The following EVI5 variants were observed in gnomAD, a reference collection of about 807,000 sequenced individuals.
The protein encoded by EVI5 is ecotropic viral integration site 5 protein homolog.
EVI5 carries 73 observed loss-of-function variants against 112.0 expected under a neutral mutation model. That is an observed-to-expected ratio of 0.65 (90% CI 0.54 to 0.79). The LOEUF (loss-of-function observed/expected upper bound fraction) is 0.79. Among genes scored for constraint, EVI5 ranks in the 30% least tolerant of loss-of-function variants. The pLI, the probability that EVI5 is intolerant of heterozygous loss-of-function variation, is 0.00. For synonymous variants in EVI5, 305 were observed against 319.9 expected, an observed-to-expected ratio of 0.95 and a Z score of 0.50; for missense variants, 900 against 968.8, an observed-to-expected ratio of 0.93 and a Z score of 0.94.
intron 1 of EVI5, among the ~76,000 whole-genome samples, chr1:92,765,274 T>TG (rs1173767552): frequency 6.7e-6 from 1 of 149,654 alleles, no homozygotes; most frequent in Non-Finnish European, 1.5e-5. Context: ...AGGCTGGTCT[T>TG]GAACTCCTAG....
At chr1:92,592,205 T>G (rs1476291145) in intron 18 of EVI5, among the ~76,000 whole-genome samples, 1 of 151,938 alleles carries the variant, frequency 6.6e-6, no homozygotes, top group Non-Finnish European at 1.5e-5. Context: ...ACCTTGCCAC[T>G]GCACTCCGGC....
intron 2 of EVI5, among the ~76,000 whole-genome samples, chr1:92,713,735 C>T (rs1459407642): frequency 6.6e-6 from 1 of 152,146 alleles, no homozygotes; most frequent in Non-Finnish European, 1.5e-5. Context: ...CGAGATTGCA[C>T]CACTGCACTC....
intron 1 of EVI5, among the ~76,000 whole-genome samples, chr1:92,777,320 T>C (rs1034959659): frequency 1.3e-5 from 2 of 152,260 alleles, no homozygotes; most frequent in East Asian, 1.9e-4. Context: ...AATGTACACA[T>C]GGATTTCCAG....
At chr1:92,685,725 C>T (rs35435370) in intron 9 of EVI5, among the ~76,000 whole-genome samples, 29,940 of 151,954 alleles carry the variant, frequency 0.2, 3,484 homozygotes, top group Non-Finnish European at 0.26. Context: ...ATATCACCAC[C>T]GATCCCACAG....
intron 2 of EVI5, among the ~76,000 whole-genome samples, chr1:92,721,737 A>G (rs921897102): frequency 2.0e-5 from 3 of 152,190 alleles, no homozygotes; most frequent in Admixed American, 6.6e-5. Context: ...TATTAAACAC[A>G]TCTGGTATTC....
At position 92,783,185 on chromosome 1, in the gene EVI5, T is replaced by C. The variant is rs548450493; in HGVS notation, c.-82+1651A>G. 3.9e-4 allele frequency among the ~76,000 whole-genome samples: 59 copies of C among 152,218 alleles called. 1 individual carries two copies. The highest frequency in any genetic ancestry group is 1.4e-3 in the African/African-American group (59 of 41,552). ...TCAATAACTTAGTTCTAAGATTTAT[T>C]TGACACAAAGTTCTCGGAAATCGTA... On this transcript the variant is annotated intron_variant, in intron 1 of 19. Transcript: ENST00000684568.
chr1:92,711,524 C>A (rs6665579), intron 2 of EVI5, among the ~76,000 whole-genome samples: 140,189 of 152,156 alleles, frequency 0.92, 64,666 homozygotes, highest in East Asian at 0.97. Context: ...CTGGCACTTA[C>A]AAGTGCAGTA....
At chr1:92,635,093 G>C (rs926851202) in intron 14 of EVI5, among the ~76,000 whole-genome samples, 4 of 152,184 alleles carry the variant, frequency 2.6e-5, no homozygotes, top group East Asian at 1.9e-4. Flanking sequence ...TGCCCCTACT[G>C]GGGGGTGCCT....
At chr1:92,651,108 C>T (rs1352152375) in intron 13 of EVI5, among the ~76,000 whole-genome samples, 1 of 152,188 alleles carries the variant, frequency 6.6e-6, no homozygotes, top group Non-Finnish European at 1.5e-5. Context: ...GAACACTTCA[C>T]GTAACAGCAG....
intron 19 of EVI5, among the ~76,000 whole-genome samples, chr1:92,556,341 C>CCA (rs1667681427): frequency 6.6e-6 from 1 of 151,720 alleles, no homozygotes; most frequent in South Asian, 2.1e-4. Flanking sequence ...GGATTACAGG[C>CCA]GTGAGCCACT....
At chr1:92,757,718 A>G (rs1681156807) in intron 1 of EVI5, among the ~76,000 whole-genome samples, 2 of 151,910 alleles carry the variant, frequency 1.3e-5, no homozygotes. Context: ...CCTGGCCAAC[A>G]TGACAAAACC....
chr1:92,629,685 CT>C (rs753043838), intron 14 of EVI5, among the ~76,000 whole-genome samples: 3 of 151,410 alleles, frequency 2.0e-5, no homozygotes, highest in Non-Finnish European at 4.4e-5. Flanking sequence ...TTTTATTATA[CT>C]TTAAGTTTTA....
chr1:92,637,969 A>G (rs1659217007), intron 13 of EVI5, among the ~76,000 whole-genome samples: 1 of 152,212 alleles, frequency 6.6e-6, no homozygotes, highest in Non-Finnish European at 1.5e-5. Flanking sequence ...GCAAATACTT[A>G]CCTTTTATCA....
At chr1:92,770,752 T>C (rs937502056) in intron 1 of EVI5, among the ~76,000 whole-genome samples, 4 of 151,584 alleles carry the variant, frequency 2.6e-5, no homozygotes, top group Non-Finnish European at 1.5e-5. Flanking sequence ...ATCGCGCCAC[T>C]GAACTCCAGC....
intron 9 of EVI5, among the ~76,000 whole-genome samples, chr1:92,686,639 G>C (rs1232820730): frequency 1.3e-5 from 2 of 152,186 alleles, no homozygotes; most frequent in Non-Finnish European, 2.9e-5. Flanking sequence ...TGGATATTTA[G>C]AAAACCCCAT....
chr1:92,610,808 A>G (rs2101634194), intron 16 of EVI5, among the ~76,000 whole-genome samples: 1 of 152,320 alleles, frequency 6.6e-6, no homozygotes, highest in Non-Finnish European at 1.5e-5. Context: ...AAAGTGAGAT[A>G]TGATGGTTTA....
intron 2 of EVI5, among the ~76,000 whole-genome samples, chr1:92,721,791 A>C (rs1378667781): frequency 1.3e-5 from 2 of 152,194 alleles, no homozygotes; most frequent in East Asian, 3.9e-4. Context: ...ATTCATCTAC[A>C]ACCACACCTT....
rs1659179018 is a variant in EVI5, at chr1:92,511,328, A to C, written c.*2328T>G. ...GCCAGTTGTGGTGGCGTGCACCTGT[A>C]GTCCCAGCTACTTGGGAGCTGAGGC... On this transcript the variant is annotated 3_prime_UTR_variant, in exon 20 of 20. Coordinates refer to ENST00000684568, the MANE Select transcript of EVI5 (RefSeq NM_001350197.2). The C allele has an allele frequency of 6.6e-6, 1 of 152,366 alleles. No homozygotes were observed. Among genetic ancestry groups the C allele is most frequent in the Non-Finnish European group, 1.5e-5 (1 of 68,216 alleles). 9.4% of individuals were successfully genotyped at this position (152,366 alleles called of 1,614,324 possible). A position where few individuals can be genotyped will look rare whatever the true frequency, so the allele number is the denominator to read the frequency against.
rs569950868 is a variant in EVI5 at position 92,703,461 on chromosome 1, G to A, written c.498C>T (p.Tyr166=). The part of the protein sequence containing the change: ...KLIRRDIART[Y]PEHNFFKEKD... ...TTTCCTTAAAAAAGTTGTGTTCAGG[G>A]TAAGTTCTAGCAATGTCCCTTCGGA... Residue 166 remains tyrosine, a synonymous_variant, in exon 4 of 20, where the codon TAC becomes TAT. Transcript: ENST00000684568. The A allele has an allele frequency of 1.3e-6, 2 of 1,596,924 alleles. No individual in the cohort carries two copies. Among genetic ancestry groups the A allele is most frequent in the Middle Eastern group, 1.7e-4 (1 of 6,012 alleles).
Sources: allele counts gnomAD v4.1 joint callset (sites outside exome capture counted in the v4.1 genomes callset), GRCh38; gene constraint gnomAD v4.1.1; transcripts MANE v1.5; gene names NCBI Gene and HGNC (gene_info 2026-07-23, HGNC 2026-07-21).